Variants in TTC1 observed in about 807,000 individuals in gnomAD.
TTC1 encodes the protein tetratricopeptide repeat protein 1.
TTC1 carries 31 observed loss-of-function variants against 37.6 expected under a neutral mutation model. The ratio of observed to expected loss-of-function variants is 0.82; its 90% CI spans 0.62 to 1.11. The LOEUF (loss-of-function observed/expected upper bound fraction) is 1.11, where lower values mean the gene tolerates loss of function less well. Ranked by LOEUF, TTC1 falls within the 50% of genes most tolerant of loss-of-function variation. The pLI is 0.00. For synonymous variants in TTC1, 127 were observed against 122.4 expected (o/e 1.04, Z -0.25); for missense variants, 351 against 339.0 (o/e 1.04, Z -0.28).
chr5:160,017,777 G>A (rs192713446), intron 2 of TTC1, among the ~76,000 whole-genome samples: 1 of 152,286 alleles, frequency 6.6e-6, no homozygotes, highest in Admixed American at 6.5e-5. Flanking sequence ...TGAATGAATA[G>A]CATCTTTTTC....
At chr5:160,015,648 G>A (rs551552957) in intron 2 of TTC1, among the ~76,000 whole-genome samples, 48 of 152,250 alleles carry the variant, frequency 3.2e-4, no homozygotes, top group Admixed American at 1.0e-3. Context: ...TCTTCACCTG[G>A]CTGTTCTATA....
chr5:160,039,459 T>G (rs929467628), intron 4 of TTC1, among the ~76,000 whole-genome samples: 1 of 151,858 alleles, frequency 6.6e-6, no homozygotes, highest in Non-Finnish European at 1.5e-5. Flanking sequence ...AATGGTAAAG[T>G]TGTGATTTTT....
At chr5:160,034,658 T>G (rs1235820908) in intron 2 of TTC1, among the ~76,000 whole-genome samples, 1 of 152,208 alleles carries the variant, frequency 6.6e-6, no homozygotes, top group Admixed American at 6.5e-5. Context: ...ATGACATTAA[T>G]CCATTAAACA....
intron 2 of TTC1, among the ~76,000 whole-genome samples, chr5:160,028,704 A>C (rs904636445): frequency 6.6e-6 from 1 of 151,800 alleles, no homozygotes; most frequent in Middle Eastern, 3.2e-3. Flanking sequence ...TAAACTCCTG[A>C]CTCAGCCAGT....
intron 2 of TTC1, among the ~76,000 whole-genome samples, chr5:160,025,542 T>C (rs1305695221): frequency 6.6e-6 from 1 of 152,174 alleles, no homozygotes; most frequent in East Asian, 1.9e-4. Flanking sequence ...AGCAGTGTCA[T>C]CCCCTTTTCA....
chr5:160,020,754 C>G (rs34193442), intron 2 of TTC1, among the ~76,000 whole-genome samples: 1,841 of 152,346 alleles, frequency 0.012, 22 homozygotes, highest in Middle Eastern at 0.075. Flanking sequence ...CTCATCACCC[C>G]CAGGTAGGAC....
At chr5:160,053,388 C>T (rs1757455835) in intron 7 of TTC1, among the ~76,000 whole-genome samples, 1 of 152,052 alleles carries the variant, frequency 6.6e-6, no homozygotes, top group Non-Finnish European at 1.5e-5. Context: ...GCCTGGGCAA[C>T]ATGGCAAAAT....
chr5:160,044,837 T>C (rs1757173151), intron 5 of TTC1, among the ~76,000 whole-genome samples: 1 of 152,220 alleles, frequency 6.6e-6, no homozygotes. Context: ...CTATTCAAGA[T>C]GGAGCCACTT....
intron 3 of TTC1, among the ~76,000 whole-genome samples, chr5:160,035,457 G>T (rs967065305): frequency 3.9e-5 from 6 of 152,200 alleles, no homozygotes; most frequent in African/African-American, 1.4e-4. Context: ...AGAATCAGGG[G>T]TAAAACTCTT....
chr5:160,032,702 C>CTTTTTTTTTTTT lies in TTC1; in HGVS notation c.331-2419_331-2408dup, dbSNP rs70987990. Among the ~76,000 whole-genome samples, 17 of 74,714 alleles carry CTTTTTTTTTTTT rather than the reference C, an allele frequency of 2.3e-4. 2 individuals are homozygous for CTTTTTTTTTTTT. The highest frequency in any genetic ancestry group is 4.3e-4 in the Non-Finnish European group (17 of 39,968). The allele number at this position is 74,714 out of a possible 152,430, so 49.0% of individuals were successfully genotyped here. On this transcript the variant is annotated intron_variant, in intron 2 of 7. Transcript: ENST00000231238. ...AGCCTCCTTGAGTTCTACCTGCTTT[C>CTTTTTTTTTTTT]TTTTTTTTTTTTTTTTTTTTTTTTT... is the stretch of plus-strand genomic sequence containing the variant.
chr5:160,023,786 G>A (rs1005481758), intron 2 of TTC1: 61 of 1,613,302 alleles, frequency 3.8e-5, no homozygotes, highest in Middle Eastern at 3.4e-4. Flanking sequence ...GTCTTTTGAT[G>A]TGTGCCTTGC....
chr5:160,009,154 C>T lies in TTC1; in HGVS notation c.-69C>T, dbSNP rs2271945. ...CTGACTGAGCGGAAGTAGGAGCTCTCAGAGGCTAAGAAGGTGGAGACCGGA... is the reference window on the plus strand; with the variant it reads ...CTGACTGAGCGGAAGTAGGAGCTCTTAGAGGCTAAGAAGGTGGAGACCGGA... On this transcript the variant is annotated 5_prime_UTR_variant, in exon 1 of 8. Coordinates refer to ENST00000231238, the MANE Select transcript of TTC1 (RefSeq NM_003314.3). 0.081 allele frequency: 12,286 copies of T among 152,216 alleles called. 681 individuals are homozygous for T. The highest frequency in any genetic ancestry group is 0.18 in the Admixed American group (2,775 of 15,278). 9.4% of individuals were successfully genotyped at this position (152,216 alleles called of 1,614,324 possible).
chr5:160,043,380 T>G (rs533519808), intron 5 of TTC1, among the ~76,000 whole-genome samples: 2 of 152,310 alleles, frequency 1.3e-5, no homozygotes, highest in East Asian at 3.9e-4. Flanking sequence ...GGTAAATACA[T>G]GAAGAAAAAT....
chr5:160,050,233 A>C (rs968505478), intron 6 of TTC1, among the ~76,000 whole-genome samples: 2 of 152,160 alleles, frequency 1.3e-5, no homozygotes, highest in Non-Finnish European at 2.9e-5. Context: ...GGATCACCTG[A>C]GGTCGGGAGT....
At chr5:160,019,318 G>A (rs1756660483) in intron 2 of TTC1, among the ~76,000 whole-genome samples, 1 of 152,132 alleles carries the variant, frequency 6.6e-6, no homozygotes, top group South Asian at 2.1e-4. Flanking sequence ...TTTCAGTTTA[G>A]AACAGATGTT....
At chr5:160,043,054 G>A in intron 4 of TTC1, 79 bp from the exon 5 acceptor site, 1 of 1,419,518 alleles carries the variant, frequency 7.0e-7, no homozygotes, top group Non-Finnish European at 9.8e-7. Context: ...AGTTATTAGT[G>A]ATCAGATCAT....
At chr5:160,064,125 C>T (rs545976082) in intron 7 of TTC1, among the ~76,000 whole-genome samples, 36 of 152,178 alleles carry the variant, frequency 2.4e-4, no homozygotes, top group Middle Eastern at 3.4e-3. Flanking sequence ...TATGCCACCA[C>T]CCTCAGCTGA....
intron 6 of TTC1, among the ~76,000 whole-genome samples, chr5:160,050,573 G>A (rs1581117066): frequency 6.6e-6 from 1 of 150,738 alleles, no homozygotes; most frequent in Middle Eastern, 3.6e-3. Flanking sequence ...TTGTATTGAT[G>A]CCCTCCTTTA....
intron 5 of TTC1, among the ~76,000 whole-genome samples, chr5:160,049,196 G>C (rs987133275): frequency 2.0e-5 from 3 of 152,126 alleles, no homozygotes; most frequent in African/African-American, 7.2e-5. Context: ...AAAATTATGT[G>C]AACTTAAATT....
Sources: allele counts gnomAD v4.1 joint callset (sites outside exome capture counted in the v4.1 genomes callset), GRCh38; gene constraint gnomAD v4.1.1; transcripts MANE v1.5; gene names NCBI Gene and HGNC (gene_info 2026-07-23, HGNC 2026-07-21).